EVA1A: variants seen among roughly 807,000 people sequenced by gnomAD.
The protein encoded by EVA1A is eva-1 homolog A, regulator of programmed cell death.
In EVA1A, 7 loss-of-function variants were observed where a neutral mutation model predicts 9.8. The observed-to-expected ratio is 0.71, with a 90% confidence interval of 0.41 to 1.34. The LOEUF (loss-of-function observed/expected upper bound fraction) is 1.34. Ranked by LOEUF, EVA1A falls within the 40% of genes most tolerant of loss-of-function variation. The pLI is 0.01. For synonymous variants in EVA1A, 90 were observed against 85.6 expected (o/e 1.05, Z -0.28); for missense variants, 206 against 205.9 (o/e 1.00, Z 0.00).
intron 1 of EVA1A, among the ~76,000 whole-genome samples, chr2:75,525,023 C>G (rs1216611278): frequency 6.6e-6 from 1 of 152,038 alleles, no homozygotes; most frequent in East Asian, 1.9e-4. Flanking sequence ...TCCTCACCTT[C>G]TTGCCCCATA....
At chr2:75,544,778 G>A (rs6727029) in intron 1 of EVA1A, among the ~76,000 whole-genome samples, 23,936 of 152,174 alleles carry the variant, frequency 0.16, 1,966 homozygotes, top group African/African-American at 0.19. Flanking sequence ...TAGTGTTAGT[G>A]AGTCAACATT....
At chr2:75,533,336 C>T (rs902832521) in intron 1 of EVA1A, among the ~76,000 whole-genome samples, 2 of 151,992 alleles carry the variant, frequency 1.3e-5, no homozygotes, top group African/African-American at 2.4e-5. Context: ...TATGTTTCAG[C>T]GGCTGAAAGA....
intron 1 of EVA1A, among the ~76,000 whole-genome samples, chr2:75,546,683 G>C (rs1192447586): frequency 6.6e-6 from 1 of 152,054 alleles, no homozygotes; most frequent in Non-Finnish European, 1.5e-5. Context: ...GGGTTGAATT[G>C]TGTCTTTTCC....
rs767843522 is a variant in EVA1A at position 75,493,457 on chromosome 2, C to A, written c.238G>T (p.Asp80Tyr). 1.2e-6 allele frequency: 2 copies of A among 1,612,302 alleles called. No individual in the cohort carries two copies. Among genetic ancestry groups the A allele is most frequent in the Non-Finnish European group, 8.5e-7 (1 of 1,179,264 alleles). The change falls in exon 4 of 4, where the codon GAC becomes TAC. Residue 80 changes from aspartate to tyrosine, a missense_variant. Coordinates refer to ENST00000393913, the MANE Select transcript of EVA1A (RefSeq NM_001135032.2). Reference protein sequence around the residue: ...KFLQDRESSSDSSDSEDGSED... With the variant: ...KFLQDRESSSYSSDSEDGSED... ...CTGCCATCCTCGCTGTCGCTGCTGT[C>A]GCTGCTGCTCTCTCTGTCCTGCAGG... is the stretch of plus-strand genomic sequence containing the variant.
chr2:75,511,309 G>A (rs762775557), intron 3 of EVA1A, among the ~76,000 whole-genome samples: 1 of 152,160 alleles, frequency 6.6e-6, no homozygotes, highest in Non-Finnish European at 1.5e-5. Flanking sequence ...AACAGCACTT[G>A]AACATACATG....
intron 1 of EVA1A, among the ~76,000 whole-genome samples, chr2:75,557,507 T>A (rs1676757468): frequency 6.6e-6 from 1 of 152,240 alleles, no homozygotes; most frequent in African/African-American, 2.4e-5. Flanking sequence ...GACACTCAGC[T>A]GGTGGCATTT....
At chr2:75,526,167 G>A (rs1218147632) in intron 1 of EVA1A, 2 of 152,204 alleles carry the variant, frequency 1.3e-5, no homozygotes, top group Non-Finnish European at 2.9e-5. Flanking sequence ...ATCCAGAAAT[G>A]AGCAAATGTG....
chr2:75,524,398 GCTA>G (rs1375660697), intron 1 of EVA1A, among the ~76,000 whole-genome samples: 2 of 150,870 alleles, frequency 1.3e-5, no homozygotes, highest in African/African-American at 4.9e-5. Flanking sequence ...GCACAGCCTG[GCTA>G]CTACAACTAC....
intron 1 of EVA1A, among the ~76,000 whole-genome samples, chr2:75,558,306 G>C (rs1243620704): frequency 6.6e-6 from 1 of 152,172 alleles, no homozygotes; most frequent in Non-Finnish European, 1.5e-5. Context: ...GACTTTGAGA[G>C]ACTGATTCAA....
chr2:75,500,722 C>A (rs908300992), intron 3 of EVA1A, among the ~76,000 whole-genome samples: 2 of 151,910 alleles, frequency 1.3e-5, no homozygotes, highest in African/African-American at 4.8e-5. Flanking sequence ...CTTTCCCTCT[C>A]TCCCTTCCTC....
chr2:75,522,644 C>T (rs1675273817), intron 1 of EVA1A, among the ~76,000 whole-genome samples, 157 bp from the exon 2 acceptor site: 1 of 152,184 alleles, frequency 6.6e-6, no homozygotes, highest in African/African-American at 2.4e-5. Flanking sequence ...GGAGAAAGCC[C>T]ATTGACAGAG....
chr2:75,535,934 A>G (rs927065940), intron 1 of EVA1A, among the ~76,000 whole-genome samples: 2 of 152,186 alleles, frequency 1.3e-5, no homozygotes, highest in African/African-American at 4.8e-5. Flanking sequence ...TATTGAAATA[A>G]AATGTTTTTA....
At chr2:75,518,863 G>A in intron 2 of EVA1A, 1 of 985,412 alleles carries the variant, frequency 1.0e-6, no homozygotes, top group Non-Finnish European at 1.2e-6. Flanking sequence ...CAGTGGTTCA[G>A]AGCTGGCTAT....
upstream of EVA1A, among the ~76,000 whole-genome samples, chr2:75,562,248 T>C (rs915525725): frequency 2.6e-5 from 4 of 152,176 alleles, no homozygotes; most frequent in Admixed American, 6.5e-5. Context: ...TAGAAACACC[T>C]GGGGAGCTTT....
chr2:75,500,650 G>A (rs890567763), intron 3 of EVA1A, among the ~76,000 whole-genome samples: 1 of 151,722 alleles, frequency 6.6e-6, no homozygotes, highest in East Asian at 1.9e-4. Context: ...ACCTCACATC[G>A]ATCTCATTCT....
intron 1 of EVA1A, among the ~76,000 whole-genome samples, chr2:75,544,406 T>C (rs1676251840): frequency 6.6e-6 from 1 of 152,216 alleles, no homozygotes; most frequent in Non-Finnish European, 1.5e-5. Flanking sequence ...ATTATTAGTA[T>C]TATTAGCATT....
intron 1 of EVA1A, among the ~76,000 whole-genome samples, chr2:75,548,543 T>A (rs1025527137): frequency 2.0e-5 from 3 of 152,174 alleles, no homozygotes; most frequent in African/African-American, 7.2e-5. Flanking sequence ...CCTTTCCACA[T>A]GAAAAAATTT....
At position 75,493,266 on chromosome 2, in the gene EVA1A, G is replaced by T; in HGVS notation, c.429C>A (p.Pro143=). Residue 143 remains proline (P), a synonymous_variant, in exon 4 of 4, where the codon CCC becomes CCA. Coordinates refer to ENST00000393913, the MANE Select transcript of EVA1A (RefSeq NM_001135032.2). ...EIWMNGQPEV[P]GTRSLNRYY The stretch of plus-strand genomic sequence containing the variant: ...AGTAGCGATTCAGGCTCCTGGTCCC[G>T]GGCACCTCAGGCTGGCCATTCATCC... 1 of 1,613,496 alleles carries T rather than the reference G, an allele frequency of 6.2e-7. No homozygotes were observed. Among genetic ancestry groups the T allele is most frequent in the Non-Finnish European group, 8.5e-7 (1 of 1,179,746 alleles).
At chr2:75,563,761 A>G (rs1036504873), upstream of EVA1A, among the ~76,000 whole-genome samples, 2 of 152,116 alleles carry the variant, frequency 1.3e-5, no homozygotes, top group African/African-American at 4.8e-5. Flanking sequence ...TTCAAGTCCC[A>G]TTCGCTTGTT....
Sources: allele counts gnomAD v4.1 joint callset (sites outside exome capture counted in the v4.1 genomes callset), GRCh38; gene constraint gnomAD v4.1.1; transcripts MANE v1.5; gene names NCBI Gene and HGNC (gene_info 2026-07-23, HGNC 2026-07-21).